The following PCDHGB3 variants were observed in gnomAD, a reference collection of about 807,000 sequenced individuals.
The protein encoded by PCDHGB3 is protocadherin gamma subfamily B, 3.
Under a neutral mutation model 59.2 loss-of-function variants are expected in PCDHGB3, and 40 were observed. The observed-to-expected ratio is 0.68, with a 90% CI of 0.52 to 0.88. The LOEUF is 0.88. Ranked by LOEUF, PCDHGB3 falls within the 40% of genes least tolerant of loss-of-function variation. PCDHGB3 has a pLI of 0.00. For missense variants in PCDHGB3, 1,309 were observed against 1,187.9 expected, an observed-to-expected ratio of 1.10 and a Z score of -1.50; for synonymous variants, 581 against 503.6, an observed-to-expected ratio of 1.15 and a Z score of -2.06.
At chr5:141,488,660 G>A (rs1274725688) in intron 1 of PCDHGB3, among the ~76,000 whole-genome samples, 1 of 152,148 alleles carries the variant, frequency 6.6e-6, no homozygotes, top group East Asian at 1.9e-4. Flanking sequence ...GGGAGGGTGG[G>A]GGAATACATG....
At chr5:141,398,698 T>C (rs2093690457) in intron 1 of PCDHGB3, 2 of 1,613,680 alleles carry the variant, frequency 1.2e-6, no homozygotes, top group Admixed American at 1.7e-5. Flanking sequence ...TGGTAGTAAA[T>C]ACCCGGAACT....
At chr5:141,422,617 G>T (rs758903894) in intron 1 of PCDHGB3, 3 of 1,613,524 alleles carry the variant, frequency 1.9e-6, no homozygotes, top group Non-Finnish European at 2.5e-6. Context: ...CTACATTCCC[G>T]AAAACAACCC....
chr5:141,474,093 C>G (rs2099341169), intron 1 of PCDHGB3, among the ~76,000 whole-genome samples: 1 of 152,098 alleles, frequency 6.6e-6, no homozygotes, highest in African/African-American at 2.4e-5. Flanking sequence ...AAAAAACAAA[C>G]AACAACAAAA....
intron 1 of PCDHGB3, chr5:141,414,449 C>T (rs1223779483): frequency 6.2e-7 from 1 of 1,613,730 alleles, no homozygotes; most frequent in Non-Finnish European, 8.5e-7. Context: ...TACAATATCA[C>T]AGTGACAGCC....
chr5:141,415,419 C>A, intron 1 of PCDHGB3: 1 of 1,614,196 alleles, frequency 6.2e-7, no homozygotes, highest in East Asian at 2.2e-5. Context: ...TGGGCGTGGA[C>A]GGGGTTCGGG....
At chr5:141,504,785 G>A (rs1439244687) in intron 2 of PCDHGB3, among the ~76,000 whole-genome samples, 1 of 151,964 alleles carries the variant, frequency 6.6e-6, no homozygotes, top group East Asian at 1.9e-4. Context: ...GTCTCTTGGG[G>A]CCTCCTACAT....
At position 141,487,215 on chromosome 5, in the gene PCDHGB3, C is replaced by G. The variant is rs1248989099; in HGVS notation, c.2416-7592C>G. 4 of 1,613,850 alleles carry G rather than the reference C, an allele frequency of 2.5e-6. No homozygotes were observed. Among genetic ancestry groups the G allele is most frequent in the East Asian group, 4.5e-5 (2 of 44,882 alleles). The stretch of plus-strand genomic sequence containing the variant: ...GTCCCAGATCTTCGAGAATCTTCAG[C>G]TCCAAGGGAAGGAGAATCTCGTCTA... On this transcript the variant is annotated intron_variant, in intron 1 of 3. Coordinates refer to ENST00000576222, the MANE Select transcript of PCDHGB3 (RefSeq NM_018924.5). This position sits in a 1 kb window ranked among gnomAD's most constrained non-coding sequence, Gnocchi z 5.0.
rs2099415271 is a variant in PCDHGB3, at chr5:141,477,659, G to A, written c.2416-17148G>A. 6.2e-7 allele frequency: 1 copy of A among 1,614,194 alleles called. No individual in the cohort carries two copies. The highest frequency in any genetic ancestry group is 1.3e-5 in the African/African-American group (1 of 75,046). ...GGGTCGCTATTTCACAATAAATCGT[G>A]ACAATGGCATAGTGTCATCCTTAGT... On this transcript the variant is annotated intron_variant, in intron 1 of 3. Transcript: ENST00000576222. The surrounding 1 kb of genome is among the most constrained non-coding windows in gnomAD (Gnocchi z 4.9).
chr5:141,398,783 A>G (rs1300541880), intron 1 of PCDHGB3: 4 of 1,613,944 alleles, frequency 2.5e-6, no homozygotes, highest in Non-Finnish European at 3.4e-6. Flanking sequence ...GACGGTGGAC[A>G]TCCACCCCTA....
At chr5:141,394,802 C>G (rs773531449) in intron 1 of PCDHGB3, 1 of 1,613,810 alleles carries the variant, frequency 6.2e-7, no homozygotes, top group South Asian at 1.1e-5. Context: ...TCACCGTAGC[C>G]GTGGCTGACA....
At chr5:141,417,637 A>ATCCCTCAGCCTCTAGCCTGGGAT (rs2096141530) in intron 1 of PCDHGB3, 1 of 724,654 alleles carries the variant, frequency 1.4e-6, no homozygotes, top group Admixed American at 3.5e-5. Flanking sequence ...GACGCCGGGG[A>ATCCCTCAGCCTCTAGCCTGGGAT]TCCCTCAGCC....
At chr5:141,417,890 G>GCCGGC (rs2096180101) in intron 1 of PCDHGB3, 1 of 1,568,496 alleles carries the variant, frequency 6.4e-7, no homozygotes, top group Non-Finnish European at 8.6e-7. Context: ...GAGGCGCCGG[G>GCCGGC]CCGGCCCGCG....
chr5:141,423,766 C>A, intron 1 of PCDHGB3: 1 of 1,110,086 alleles, frequency 9.0e-7, no homozygotes, highest in Non-Finnish European at 1.1e-6. Context: ...GGGGGTGGGG[C>A]GGCATATATT....
In PCDHGB3 at chr5:141,489,801, T is replaced by C. The variant is rs201458939; in HGVS notation, c.2416-5006T>C. 6.2e-7 allele frequency: 1 copy of C among 1,614,148 alleles called. No homozygotes were observed. On this transcript the variant is annotated intron_variant, in intron 1 of 3. Coordinates refer to ENST00000576222, the MANE Select transcript of PCDHGB3 (RefSeq NM_018924.5). The surrounding 1 kb of genome is among the most constrained non-coding windows in gnomAD (Gnocchi z 4.5). The stretch of plus-strand genomic sequence containing the variant: ...CTCTGAATGTGAAGACCCTAAAAGA[T>C]GGGAAGCCATTCCCAGAGCTGGTGC...
intron 1 of PCDHGB3, among the ~76,000 whole-genome samples, chr5:141,406,795 C>G (rs1277584347): frequency 6.6e-6 from 1 of 152,204 alleles, no homozygotes; most frequent in African/African-American, 2.4e-5. Context: ...TTATTTCTGG[C>G]TCAATTCTCC....
At chr5:141,484,050 C>T (rs1262678828) in intron 1 of PCDHGB3, among the ~76,000 whole-genome samples, 1 of 151,984 alleles carries the variant, frequency 6.6e-6, no homozygotes, top group Non-Finnish European at 1.5e-5. Flanking sequence ...CAAGAGGTCC[C>T]CTGGGGCTAA....
Position 141,490,330 on chromosome 5 carries a change from C to T in PCDHGB3, c.2416-4477C>T, listed in dbSNP as rs2099698666. ...GGCCAACCCTGTCCTAGAGAGCACA[C>T]CAGTGGGCACAGTAGTGGGGTTGTT... is the stretch of plus-strand genomic sequence containing the variant. On this transcript the variant is annotated intron_variant, in intron 1 of 3. Transcript: ENST00000576222. The surrounding 1 kb of genome is among the most constrained non-coding windows in gnomAD (Gnocchi z 5.4). 6.2e-7 allele frequency: 1 copy of T among 1,614,080 alleles called. No individual in the cohort carries two copies. Among genetic ancestry groups the T allele is most frequent in the Non-Finnish European group, 8.5e-7 (1 of 1,180,042 alleles).
intron 3 of PCDHGB3, among the ~76,000 whole-genome samples, chr5:141,506,444 C>CAA (rs1219684339): frequency 1.2e-3 from 116 of 94,976 alleles, no homozygotes; most frequent in African/African-American, 4.2e-3. Flanking sequence ...CGCTCTGTCT[C>CAA]AAAAAAAAAA....
rs2090286148 is a variant in PCDHGB3 at position 141,385,565 on chromosome 5, C to T, written c.2415+12756C>T. ...GGACTATCACATTTTATAATTTCCA[C>T]CTACTTTCCAATCTATGTTCCAACC... On this transcript the variant is annotated intron_variant, in intron 1 of 3. Transcript: ENST00000576222. 2.3e-6 allele frequency: 3 copies of T among 1,302,312 alleles called. No homozygotes were observed. In the African/African-American group the frequency reaches 4.6e-5, roughly 20 times the overall value. 80.7% of individuals were successfully genotyped at this position (1,302,312 alleles called of 1,614,324 possible). A position where few individuals can be genotyped will look rare whatever the true frequency, so the allele number is the denominator to read the frequency against.
Sources: allele counts gnomAD v4.1 joint callset (sites outside exome capture counted in the v4.1 genomes callset), GRCh38; gene constraint gnomAD v4.1.1; non-coding constraint Gnocchi (gnomAD v3.1); transcripts MANE v1.5; gene names NCBI Gene and HGNC (gene_info 2026-07-23, HGNC 2026-07-21).